Variants in RSU1 observed in about 807,000 individuals in gnomAD.
RSU1 encodes rsu-1.
A neutral mutation model predicts 31.1 loss-of-function variants in RSU1; 26 were observed. The ratio of observed to expected loss-of-function variants is 0.84; its 90% confidence interval spans 0.61 to 1.16. The LOEUF is 1.16. Among genes scored for constraint, RSU1 ranks in the 50% most tolerant of loss-of-function variants. The pLI is 0.00. For missense variants in RSU1, 320 were observed against 339.1 expected (o/e 0.94, Z 0.44); for synonymous variants, 164 against 136.3 (o/e 1.20, Z -1.41).
rs566730506 is a variant in RSU1, at chr10:16,763,007, A to C, written c.281+1383T>G. Among the ~76,000 whole-genome samples, 24 of 151,926 alleles carry C rather than the reference A, an allele frequency of 1.6e-4. No individual in the cohort carries two copies. In the East Asian group the frequency reaches 4.4e-3, roughly 28 times the overall value. On this transcript the variant is annotated intron_variant, in intron 4 of 8. Coordinates refer to ENST00000345264, the MANE Select transcript of RSU1 (RefSeq NM_012425.4). ...CAAGACTCTGTCTCAAAAAAAAAAA[A>C]ACAAAAACAAAAAAACCTGGGAAAT...
intron 8 of RSU1, among the ~76,000 whole-genome samples, chr10:16,683,929 G>A (rs1424691058): frequency 1.3e-5 from 2 of 152,182 alleles, no homozygotes; most frequent in African/African-American, 4.8e-5. Flanking sequence ...TTGACAATTG[G>A]TTGAGTTTGT....
chr10:16,681,232 C>T (rs965554190), intron 8 of RSU1, among the ~76,000 whole-genome samples: 1 of 152,170 alleles, frequency 6.6e-6, no homozygotes, highest in African/African-American at 2.4e-5. Flanking sequence ...TTTCTCTAAC[C>T]TATTAAGATG....
intron 8 of RSU1, among the ~76,000 whole-genome samples, chr10:16,645,978 G>GTA (rs370495961): frequency 0.027 from 1,180 of 43,854 alleles, 79 homozygotes; most frequent in South Asian, 0.047. Flanking sequence ...ATATATATGT[G>GTA]TATATACATA....
intron 3 of RSU1, among the ~76,000 whole-genome samples, chr10:16,772,641 G>GAAAAAAAAAAA (rs60460081): frequency 1.1e-3 from 74 of 64,680 alleles, no homozygotes; most frequent in East Asian, 2.0e-3. Flanking sequence ...AGTAGAATAT[G>GAAAAAAAAAAA]AAAAAAAAAA....
At chr10:16,717,742 A>G (rs45563838) in intron 7 of RSU1, among the ~76,000 whole-genome samples, 2 of 152,232 alleles carry the variant, frequency 1.3e-5, no homozygotes, top group Non-Finnish European at 2.9e-5. Context: ...GTAGGACTCA[A>G]GAAAAATGAA....
chr10:16,677,101 C>CTGGCTTCCCTTTGAGGGTA (rs1366262370), intron 8 of RSU1, among the ~76,000 whole-genome samples: 4 of 152,208 alleles, frequency 2.6e-5, no homozygotes, highest in Non-Finnish European at 4.4e-5. Flanking sequence ...ACTTCATACA[C>CTGGCTTCCCTTTGAGGGTA]TGGCTTCCCT....
chr10:16,738,441 ACT>A (rs1418480307), intron 7 of RSU1, among the ~76,000 whole-genome samples: 2 of 152,094 alleles, frequency 1.3e-5, no homozygotes, highest in East Asian at 1.9e-4. Context: ...AAAGAGCAAG[ACT>A]CTGTCTCAAA....
At chr10:16,674,858 C>T (rs1042275117) in intron 8 of RSU1, among the ~76,000 whole-genome samples, 11 of 152,034 alleles carry the variant, frequency 7.2e-5, no homozygotes, top group African/African-American at 2.4e-4. Flanking sequence ...CACAGCGAAA[C>T]TCCATCTCTA....
At chr10:16,595,373 G>C (rs186328911) in intron 8 of RSU1, among the ~76,000 whole-genome samples, 1 of 152,322 alleles carries the variant, frequency 6.6e-6, no homozygotes, top group African/African-American at 2.4e-5. Flanking sequence ...TCTTCCAAGT[G>C]TTGCCTTGGA....
At chr10:16,618,883 G>A (rs1229319232) in intron 8 of RSU1, among the ~76,000 whole-genome samples, 1 of 152,116 alleles carries the variant, frequency 6.6e-6, no homozygotes, top group Non-Finnish European at 1.5e-5. Flanking sequence ...TGCATGTGGG[G>A]CTTAAAACCT....
chr10:16,665,175 C>G (rs1214968154), intron 8 of RSU1, among the ~76,000 whole-genome samples: 1 of 152,132 alleles, frequency 6.6e-6, no homozygotes, highest in Non-Finnish European at 1.5e-5. Context: ...AACTCCTCAC[C>G]TCAGGTGATC....
intron 8 of RSU1, among the ~76,000 whole-genome samples, chr10:16,669,576 C>T (rs529466260): frequency 6.8e-4 from 103 of 152,288 alleles, no homozygotes; most frequent in Non-Finnish European, 1.2e-3. Flanking sequence ...GCCATTTCTT[C>T]ATCTTCTTTT....
intron 8 of RSU1, among the ~76,000 whole-genome samples, chr10:16,631,481 GA>G (rs377753559): frequency 5.6e-4 from 85 of 152,252 alleles, no homozygotes; most frequent in African/African-American, 1.9e-3. Context: ...TACCATGGGG[GA>G]AAAAATAATC....
intron 7 of RSU1, among the ~76,000 whole-genome samples, chr10:16,706,462 C>T (rs552030264): frequency 5.9e-5 from 9 of 152,232 alleles, no homozygotes; most frequent in African/African-American, 2.2e-4. Flanking sequence ...TTTATTGTTG[C>T]TGCTGTTGAG....
At chr10:16,727,856 G>A (rs549985178) in intron 7 of RSU1, among the ~76,000 whole-genome samples, 5 of 152,278 alleles carry the variant, frequency 3.3e-5, no homozygotes, top group African/African-American at 4.8e-5. Flanking sequence ...CAACCATACC[G>A]CTGCCAGGCT....
chr10:16,664,665 T>C (rs1191274999), intron 8 of RSU1, among the ~76,000 whole-genome samples: 1 of 152,186 alleles, frequency 6.6e-6, no homozygotes, highest in African/African-American at 2.4e-5. Flanking sequence ...AGAGAGGTCA[T>C]TAAACTAGAT....
chr10:16,741,521 G>A (rs1836751142), intron 7 of RSU1, among the ~76,000 whole-genome samples: 1 of 152,138 alleles, frequency 6.6e-6, no homozygotes, highest in African/African-American at 2.4e-5. Context: ...TGTGTGGTAT[G>A]AGCTGCAAAA....
intron 4 of RSU1, among the ~76,000 whole-genome samples, chr10:16,756,890 T>A (rs1295856850): frequency 7.6e-6 from 1 of 131,494 alleles, no homozygotes; most frequent in Non-Finnish European, 1.6e-5. Context: ...TCGTGTGGTG[T>A]GTGAGGGGTG....
intron 2 of RSU1, among the ~76,000 whole-genome samples, chr10:16,802,968 C>G (rs1328570432): frequency 1.3e-5 from 2 of 152,140 alleles, no homozygotes; most frequent in East Asian, 1.9e-4. Context: ...CAGTTGGGAA[C>G]AAGGCAAGGA....
Sources: gnomAD v4.1 joint callset for allele counts (sites outside exome capture counted in the v4.1 genomes callset) on GRCh38, gnomAD v4.1.1 for gene constraint, MANE v1.5 for transcripts, NCBI Gene and HGNC (gene_info 2026-07-23, HGNC 2026-07-21) for gene names.